The following MGST1 variants were observed in gnomAD, a reference collection of about 807,000 sequenced individuals.
MGST1 encodes microsomal glutathione S-transferase 1.
A neutral mutation model predicts 8.9 loss-of-function variants in MGST1; 5 were observed. That is an observed-to-expected ratio of 0.56 (90% confidence interval 0.29 to 1.19). MGST1 has a LOEUF of 1.19. Ranked by LOEUF, MGST1 falls within the 50% of genes most tolerant of loss-of-function variation. The pLI is 0.08. For synonymous variants in MGST1, 54 were observed against 67.8 expected, an observed-to-expected ratio of 0.80 and a Z score of 1.00; for missense variants, 182 against 187.4, an observed-to-expected ratio of 0.97 and a Z score of 0.17.
chr12:16,450,333 A>T (rs1941118781), intron 4 of MGST1, among the ~76,000 whole-genome samples: 1 of 151,908 alleles, frequency 6.6e-6, no homozygotes, highest in Non-Finnish European at 1.5e-5. Context: ...CCTCTCTGGA[A>T]AGCATGGTGG....
rs369986291 is a variant in MGST1, at chr12:16,395,780, CATATAT to C, written n.778+12196_778+12201del. Among the ~76,000 whole-genome samples, 529 of 121,890 alleles carry C rather than the reference CATATAT, an allele frequency of 4.3e-3. 17 individuals carry two copies. Among genetic ancestry groups the C allele is most frequent in the African/African-American group, 0.016 (484 of 30,298 alleles). 80.0% of individuals were successfully genotyped at this position (121,890 alleles called of 152,430 possible). ...CTTTAATGGCTGAGTAGTATTCCAT[CATATAT>C]ATATATATATATATATATACACACA... On this transcript the variant is annotated intron_variant and non_coding_transcript_variant, in intron 1 of 1. Transcript: ENST00000359720.
At position 16,587,165 on chromosome 12, in the gene MGST1, C is replaced by G. The variant is rs1591815027; in HGVS notation, n.483-2363C>G. Among the ~76,000 whole-genome samples, 2 of 152,156 alleles carry G rather than the reference C, an allele frequency of 1.3e-5. No individual in the cohort carries two copies. The highest frequency in any genetic ancestry group is 2.4e-5 in the African/African-American group (1 of 41,524). On this transcript the variant is annotated intron_variant and non_coding_transcript_variant, in intron 4 of 4. Coordinates refer to the MGST1 transcript ENST00000538857. The surrounding 1 kb of genome is among the most constrained non-coding windows in gnomAD (Gnocchi z 4.3). ...TATAGCAATTGTGGGTGCTGCTGAC[C>G]TGTCAATCTCAAATATATTCATAAG...
intron 4 of MGST1, among the ~76,000 whole-genome samples, chr12:16,534,551 T>C (rs1445041448): frequency 1.3e-5 from 2 of 152,192 alleles, no homozygotes; most frequent in African/African-American, 4.8e-5. Flanking sequence ...ATGTATTGTG[T>C]GTAGCAGGGA....
intron 4 of MGST1, among the ~76,000 whole-genome samples, chr12:16,473,574 A>G (rs1322732394): frequency 2.0e-5 from 3 of 152,204 alleles, no homozygotes; most frequent in African/African-American, 7.2e-5. Context: ...AAGGAACTAG[A>G]AATAATCTTT....
intron 4 of MGST1, among the ~76,000 whole-genome samples, chr12:16,501,945 G>A (rs796268289): frequency 3.3e-5 from 5 of 152,128 alleles, no homozygotes; most frequent in African/African-American, 1.2e-4. Context: ...ATTCTAGGTT[G>A]TGGAAAAATC....
rs1305265571 is a variant in MGST1, at chr12:16,399,289, T to C, written n.778+15685T>C. The C allele has an allele frequency of 1.4e-5, 23 of 1,605,834 alleles. 1 individual carries two copies. The South Asian group carries it at 2.3e-4, about 16-fold the overall frequency. ...AAGTTCAGAAGTTACTTCCTCTTTT[T>C]CTTGGGGGGTGCAGAGCTGTGTGTG... On this transcript the variant is annotated intron_variant and non_coding_transcript_variant, in intron 1 of 1. Coordinates refer to the MGST1 transcript ENST00000359720.
intron 4 of MGST1, among the ~76,000 whole-genome samples, chr12:16,533,531 C>G (rs1941735422): frequency 6.6e-6 from 1 of 152,092 alleles, no homozygotes; most frequent in Admixed American, 6.6e-5. Flanking sequence ...TCATCAGGCT[C>G]TTTGGAACCT....
chr12:16,517,821 T>G lies in MGST1; in HGVS notation n.483-71707T>G, dbSNP rs1313257320. On this transcript the variant is annotated intron_variant and non_coding_transcript_variant, in intron 4 of 4. Coordinates refer to the MGST1 transcript ENST00000538857. This position sits in a 1 kb window ranked among gnomAD's most constrained non-coding sequence, Gnocchi z 4.2. ...TTTTTGGATTCTCATAATTTCTTATTGGAGATTAGTATATGGACATTCTAG... is the reference window on the plus strand; with the variant it reads ...TTTTTGGATTCTCATAATTTCTTATGGGAGATTAGTATATGGACATTCTAG... Among the ~76,000 whole-genome samples, 1 of 152,340 alleles carries G rather than the reference T, an allele frequency of 6.6e-6. No individual in the cohort carries two copies. The highest frequency in any genetic ancestry group is 1.9e-4 in the East Asian group (1 of 5,180).
chr12:16,522,592 T>C (rs1941655400), intron 4 of MGST1, among the ~76,000 whole-genome samples: 1 of 152,084 alleles, frequency 6.6e-6, no homozygotes. Flanking sequence ...GTTTCCTGAC[T>C]CCATGGCTTG....
At chr12:16,463,933 T>C (rs1467088086) in intron 4 of MGST1, among the ~76,000 whole-genome samples, 1 of 152,200 alleles carries the variant, frequency 6.6e-6, no homozygotes, top group African/African-American at 2.4e-5. Flanking sequence ...TAGGAAGTCA[T>C]AACGTATATG....
intron 1 of MGST1, chr12:16,400,623 G>A: frequency 7.5e-7 from 1 of 1,326,310 alleles, no homozygotes; most frequent in Non-Finnish European, 1.1e-6. Context: ...TATGACGCTT[G>A]GTATGTAATT....
chr12:16,473,222 C>T (rs570534580), intron 4 of MGST1, among the ~76,000 whole-genome samples: 1 of 152,264 alleles, frequency 6.6e-6, no homozygotes, highest in South Asian at 2.1e-4. Context: ...TTGGCAAAGT[C>T]TGGAGACATT....
In MGST1 at chr12:16,369,934, C is replaced by A. The variant is rs1040174390; in HGVS notation, c.222-6188C>A. 1.3e-5 allele frequency: 2 copies of A among 152,172 alleles called. No individual in the cohort carries two copies. The highest frequency in any genetic ancestry group is 2.9e-5 in the Non-Finnish European group (2 of 68,048). The allele number at this position is 152,172 out of a possible 1,614,324, so 9.4% of individuals were successfully genotyped here. A position where few individuals can be genotyped will look rare whatever the true frequency, so the allele number is the denominator to read the frequency against. On this transcript the variant is annotated intron_variant, in intron 3 of 3. Transcript: ENST00000535309. The surrounding 1 kb of genome is among the most constrained non-coding windows in gnomAD (Gnocchi z 4.8). The stretch of plus-strand genomic sequence containing the variant: ...TAAAGTGCTGGGAAATGGACTCAAC[C>A]CCCTCAGGGAGATGAACCGCAAAGT...
intron 1 of MGST1, chr12:16,399,132 C>T (rs1424713255): frequency 1.3e-6 from 1 of 788,048 alleles, no homozygotes; most frequent in Admixed American, 2.3e-5. Context: ...GTAGATTGGT[C>T]CACATAAATG....
intron 1 of MGST1, among the ~76,000 whole-genome samples, chr12:16,390,377 A>C (rs1477444918): frequency 1.3e-5 from 2 of 152,192 alleles, no homozygotes; most frequent in South Asian, 4.1e-4. Flanking sequence ...TTTGTTGTCC[A>C]GATTATTTTG....
chr12:16,401,593 T>C lies in MGST1; in HGVS notation n.778+17989T>C. 2.1e-6 allele frequency: 3 copies of C among 1,431,802 alleles called. No homozygotes were observed. Among genetic ancestry groups the C allele is most frequent in the East Asian group, 2.3e-5 (1 of 44,014 alleles). 88.7% of individuals were successfully genotyped at this position (1,431,802 alleles called of 1,614,324 possible). On this transcript the variant is annotated intron_variant and non_coding_transcript_variant, in intron 1 of 1. Coordinates refer to the MGST1 transcript ENST00000359720. This position sits in a 1 kb window ranked among gnomAD's most constrained non-coding sequence, Gnocchi z 4.3. ...TTGGAGCAATAAGACTCGAAGCGAA[T>C]ACCCATGGCACAAGTGATAGCCCCA... is the stretch of plus-strand genomic sequence containing the variant.
chr12:16,436,214 C>A (rs1940985783), intron 1 of MGST1, among the ~76,000 whole-genome samples: 1 of 151,946 alleles, frequency 6.6e-6, no homozygotes, highest in Non-Finnish European at 1.5e-5. Flanking sequence ...AAGGAGAAAT[C>A]TATCAAATAT....
chr12:16,465,407 C>T (rs530153895), intron 4 of MGST1, among the ~76,000 whole-genome samples: 31 of 152,266 alleles, frequency 2.0e-4, no homozygotes, highest in African/African-American at 7.0e-4. Flanking sequence ...AAATCCCGGC[C>T]AGTTGACCGG....
intron 1 of MGST1, among the ~76,000 whole-genome samples, chr12:16,431,161 GA>G (rs1258676470): frequency 6.6e-6 from 1 of 152,214 alleles, no homozygotes. Flanking sequence ...CAATTGAAGA[GA>G]ATTAGGGCCT....
Sources: gnomAD v4.1 joint callset for allele counts (sites outside exome capture counted in the v4.1 genomes callset) on GRCh38, gnomAD v4.1.1 for gene constraint, Gnocchi (gnomAD v3.1) non-coding constraint, MANE v1.5 for transcripts, NCBI Gene and HGNC (gene_info 2026-07-23, HGNC 2026-07-21) for gene names.